The following KATNIP variants were observed in gnomAD, a reference collection of about 807,000 sequenced individuals.
KATNIP encodes katanin-interacting protein.
KATNIP carries 126 observed loss-of-function variants against 174.0 expected under a neutral mutation model. The observed-to-expected ratio is 0.72, with a 90% CI of 0.63 to 0.84. The LOEUF is 0.84. Among genes scored for constraint, KATNIP ranks in the 40% least tolerant of loss-of-function variants. The pLI is 0.00. For synonymous variants in KATNIP, 810 were observed against 835.7 expected, an observed-to-expected ratio of 0.97 and a Z score of 0.53; for missense variants, 1,958 against 2,109.7, an observed-to-expected ratio of 0.93 and a Z score of 1.41.
intron 6 of KATNIP, among the ~76,000 whole-genome samples, chr16:27,664,548 A>G (rs2077622316): frequency 6.6e-6 from 1 of 152,178 alleles, no homozygotes; most frequent in Non-Finnish European, 1.5e-5. Flanking sequence ...GAGTGCTCAG[A>G]GCCTGCATTT....
At chr16:27,748,448 G>A (rs1031470334) in intron 15 of KATNIP, among the ~76,000 whole-genome samples, 7 of 151,958 alleles carry the variant, frequency 4.6e-5, no homozygotes, top group East Asian at 1.9e-4. Flanking sequence ...AAAATTAGCC[G>A]AACATGTTGG....
At chr16:27,607,725 A>AC (rs2075754647) in intron 2 of KATNIP, among the ~76,000 whole-genome samples, 2 of 151,674 alleles carry the variant, frequency 1.3e-5, no homozygotes, top group Non-Finnish European at 2.9e-5. Flanking sequence ...AGCCTCCTGA[A>AC]TAGATGGGAT....
chr16:27,774,559 A>T (rs187091249), intron 23 of KATNIP, among the ~76,000 whole-genome samples: 1 of 152,116 alleles, frequency 6.6e-6, no homozygotes, highest in African/African-American at 2.4e-5. Flanking sequence ...TGATACTCAC[A>T]TGCCAGGGTA....
intron 23 of KATNIP, among the ~76,000 whole-genome samples, chr16:27,774,356 A>G (rs370150165): frequency 2.0e-5 from 3 of 152,320 alleles, no homozygotes; most frequent in Admixed American, 1.3e-4. Context: ...CCTCACATCC[A>G]TCCTGGGAGC....
intron 5 of KATNIP, among the ~76,000 whole-genome samples, chr16:27,643,883 T>C (rs1251418675): frequency 3.9e-5 from 6 of 152,020 alleles, no homozygotes; most frequent in Non-Finnish European, 7.4e-5. Flanking sequence ...GGGAAATGCA[T>C]GCCCTAATTA....
In KATNIP at chr16:27,631,969, G is replaced by C. The variant is rs149880760; in HGVS notation, c.408+807G>C. Among the ~76,000 whole-genome samples the C allele has an allele frequency of 2.6e-5, 4 of 152,338 alleles. No homozygotes were observed. In the East Asian group the frequency reaches 7.7e-4, roughly 29 times the overall value. ...TCTCCTTTGCCCTCCCAGCAGAACT[G>C]TAGAGTATGTTCCAATATTGTCCCT... On this transcript the variant is annotated intron_variant, in intron 5 of 27. Transcript: ENST00000261588.
intron 18 of KATNIP, among the ~76,000 whole-genome samples, chr16:27,759,216 G>T (rs576679746): frequency 1.3e-5 from 2 of 152,308 alleles, no homozygotes; most frequent in East Asian, 1.9e-4. Context: ...CCGTCTTAGT[G>T]GGGGAGACTG....
intron 14 of KATNIP, among the ~76,000 whole-genome samples, chr16:27,730,050 T>C (rs1395565158): frequency 6.6e-6 from 1 of 152,242 alleles, no homozygotes; most frequent in Non-Finnish European, 1.5e-5. Context: ...TGCAAGCTCA[T>C]GCCCAGGCAG....
intron 22 of KATNIP, among the ~76,000 whole-genome samples, chr16:27,772,498 G>C (rs1262568320): frequency 6.6e-6 from 1 of 152,242 alleles, no homozygotes; most frequent in Admixed American, 6.5e-5. Flanking sequence ...GGAGTGAGCA[G>C]AGCACAGGGC....
At chr16:27,773,858 C>T (rs917485728) in intron 23 of KATNIP, among the ~76,000 whole-genome samples, 3 of 152,108 alleles carry the variant, frequency 2.0e-5, no homozygotes, top group Non-Finnish European at 2.9e-5. Flanking sequence ...TACCAGGCCC[C>T]GAAACTCACT....
intron 5 of KATNIP, among the ~76,000 whole-genome samples, chr16:27,639,073 A>G (rs1475341967): frequency 1.3e-5 from 2 of 152,172 alleles, no homozygotes. Context: ...GTCTCACCCA[A>G]CAATAAGAAA....
chr16:27,573,870 T>C (rs1174467385), intron 1 of KATNIP, 31 bp from the exon 2 acceptor site: 1 of 1,612,202 alleles, frequency 6.2e-7, no homozygotes, highest in Admixed American at 1.7e-5. Context: ...AAAACAGCCT[T>C]AATCTTGGTT....
At position 27,740,119 on chromosome 16, in the gene KATNIP, G is replaced by A. The variant is rs1172814056; in HGVS notation, c.1822G>A (p.Asp608Asn). The change falls in exon 15 of 28, where the codon GAT (aspartate) becomes AAT (asparagine). Residue 608 changes from aspartate to asparagine, a missense_variant. Transcript: ENST00000261588. ...CTTCAATGGCAAGTTAGACAAAGGA[G>A]ATAGGGAGGCCCCAGCTGACCACAG... is the stretch of plus-strand genomic sequence containing the variant. ...LIFNGKLDKG[D>N]REAPADHSIL... is the part of the protein sequence containing the mutation. 2 of 1,614,214 alleles carry A rather than the reference G, an allele frequency of 1.2e-6. No homozygotes were observed. The highest frequency in any genetic ancestry group is 8.5e-7 in the Non-Finnish European group (1 of 1,180,036).
At chr16:27,773,295 G>A (rs977183307) in intron 23 of KATNIP, 86 bp downstream of exon 23, 5 of 883,774 alleles carry the variant, frequency 5.7e-6, no homozygotes, top group Non-Finnish European at 8.8e-6. Flanking sequence ...CTTGTGTGCA[G>A]AGGGAAATGG....
Position 27,708,749 on chromosome 16 carries a change from C to T in KATNIP, c.1434C>T (p.Tyr478=), listed in dbSNP as rs774819283. 1.1e-5 allele frequency: 17 copies of T among 1,614,006 alleles called. No homozygotes were observed. The highest frequency in any genetic ancestry group is 2.7e-5 in the African/African-American group (2 of 74,978). Reference sequence around the variant, plus strand: ...CAGACGAGATCAAAGATGCCATCTACGTGACCATGGAGATCCTGTCCAACT... The same window carrying T: ...CAGACGAGATCAAAGATGCCATCTATGTGACCATGGAGATCCTGTCCAACT... The part of the protein sequence containing the change: ...MRADEIKDAI[Y]VTMEILSNWG... The change falls in exon 13 of 28, where the codon TAC becomes TAT. Residue 478 remains tyrosine (Y), a synonymous_variant. Transcript: ENST00000261588.
chr16:27,677,853 T>G lies in KATNIP; in HGVS notation c.665T>G (p.Leu222Arg). 1 of 1,614,216 alleles carries G rather than the reference T, an allele frequency of 6.2e-7. No homozygotes were observed. Among genetic ancestry groups the G allele is most frequent in the Non-Finnish European group, 8.5e-7 (1 of 1,180,042 alleles). Reference protein sequence around the residue: ...LSEPEPEDPALVGHPRHDRPP... With the variant: ...LSEPEPEDPARVGHPRHDRPP... Reference sequence around the variant, plus strand: ...GAGCCTGAGCCAGAGGACCCGGCACTGGTGGGCCATCCCAGACATGACCGC... The same window carrying G: ...GAGCCTGAGCCAGAGGACCCGGCACGGGTGGGCCATCCCAGACATGACCGC... Residue 222 changes from leucine to arginine, a missense_variant, in exon 7 of 28, where the codon CTG (leucine) becomes CGG (arginine). Leu to Arg is a moderately radical substitution (Grantham distance 102). Transcript: ENST00000261588.
intron 5 of KATNIP, among the ~76,000 whole-genome samples, chr16:27,632,175 C>T (rs1197487529): frequency 1.4e-4 from 22 of 152,196 alleles, no homozygotes; most frequent in Admixed American, 1.4e-3. Flanking sequence ...CGGGGACCAG[C>T]AGGTCCCAGC....
chr16:27,581,456 G>A (rs535098967), intron 2 of KATNIP, among the ~76,000 whole-genome samples: 41 of 152,220 alleles, frequency 2.7e-4, no homozygotes, highest in Non-Finnish European at 4.7e-4. Context: ...TTCAAGTGTG[G>A]CTGTCCTTGA....
chr16:27,616,743 A>G (rs1296354972), intron 2 of KATNIP, among the ~76,000 whole-genome samples: 2 of 151,400 alleles, frequency 1.3e-5, no homozygotes, highest in African/African-American at 4.9e-5. Context: ...AAAATAAAAA[A>G]TAAAAGAAAT....
Sources: gnomAD v4.1 joint callset for allele counts (sites outside exome capture counted in the v4.1 genomes callset) on GRCh38, gnomAD v4.1.1 for gene constraint, MANE v1.5 for transcripts, NCBI Gene and HGNC (gene_info 2026-07-23, HGNC 2026-07-21) for gene names.